Variants in ACAD11 observed in about 807,000 individuals in gnomAD.
ACAD11 encodes the protein acyl-Coenzyme A dehydrogenase family, member 11.
In ACAD11, 83 loss-of-function variants were observed where a neutral mutation model predicts 102.2. The observed-to-expected ratio is 0.81, with a 90% CI of 0.68 to 0.97. The LOEUF is 0.97. Ranked by LOEUF, ACAD11 falls within the 50% of genes least tolerant of loss-of-function variation. The pLI is 0.00. For synonymous variants in ACAD11, 324 were observed against 319.8 expected (o/e 1.01, Z -0.14); for missense variants, 901 against 951.7 (o/e 0.95, Z 0.70).
At chr3:132,594,800 T>C (rs1388488691) in intron 13 of ACAD11, among the ~76,000 whole-genome samples, 1 of 152,172 alleles carries the variant, frequency 6.6e-6, no homozygotes, top group African/African-American at 2.4e-5. Flanking sequence ...GTGTATCATA[T>C]AGAAAGATCA....
At chr3:132,585,924 T>G (rs1291036090) in intron 13 of ACAD11, among the ~76,000 whole-genome samples, 1 of 152,102 alleles carries the variant, frequency 6.6e-6, no homozygotes. Context: ...ATTGTGGAAG[T>G]CAGTGTGGTG....
intron 5 of ACAD11, among the ~76,000 whole-genome samples, chr3:132,635,620 T>C (rs1483549593): frequency 6.6e-6 from 1 of 152,164 alleles, no homozygotes; most frequent in Non-Finnish European, 1.5e-5. Context: ...ATACACCTCT[T>C]ACACAGGGTT....
Position 132,619,535 on chromosome 3 carries a change from T to A in ACAD11, c.1208A>T (p.Glu403Val), listed in dbSNP as rs1939533351. 2 of 1,583,784 alleles carry A rather than the reference T, an allele frequency of 1.3e-6. No homozygotes were observed. The highest frequency in any genetic ancestry group is 1.4e-5 in the African/African-American group (1 of 73,672). Reference sequence around the variant, plus strand: ...TGAATTTTCATTTTGAACATAGAACTCAGTTACCTCCTTAAAGTAATAAAA... The same window carrying A: ...TGAATTTTCATTTTGAACATAGAACACAGTTACCTCCTTAAAGTAATAAAA... The part of the protein sequence containing the change: ...HILPAEKEVT[E>V]FYVQNENSVD... The change falls in exon 10 of 20, where the codon GAG becomes GTG. Residue 403 changes from glutamate to valine, a missense_variant. Coordinates refer to ENST00000264990, the MANE Select transcript of ACAD11 (RefSeq NM_032169.5).
chr3:132,559,464 A>G (rs1017914578), intron 19 of ACAD11, among the ~76,000 whole-genome samples: 8 of 152,090 alleles, frequency 5.3e-5, no homozygotes, highest in South Asian at 2.1e-4. Flanking sequence ...TGACACTGTA[A>G]TTATGTGTGG....
chr3:132,565,596 A>T (rs1429462677), intron 17 of ACAD11, among the ~76,000 whole-genome samples: 5 of 152,218 alleles, frequency 3.3e-5, no homozygotes, highest in Non-Finnish European at 7.3e-5. Flanking sequence ...ATTAATTTTT[A>T]AAAAATAAAG....
At chr3:132,565,016 C>T (rs1005079691) in intron 17 of ACAD11, among the ~76,000 whole-genome samples, 6 of 152,022 alleles carry the variant, frequency 3.9e-5, no homozygotes, top group Non-Finnish European at 7.4e-5. Context: ...CATAAAGCAC[C>T]CCAACAAAAG....
intron 9 of ACAD11, among the ~76,000 whole-genome samples, chr3:132,626,289 T>C (rs1048778097): frequency 1.3e-5 from 2 of 152,076 alleles, no homozygotes; most frequent in African/African-American, 4.8e-5. Flanking sequence ...AGAGGGGTGG[T>C]AGTATCTGTG....
chr3:132,641,251 A>C (rs1317499113), intron 4 of ACAD11, among the ~76,000 whole-genome samples: 1 of 152,172 alleles, frequency 6.6e-6, no homozygotes, highest in Non-Finnish European at 1.5e-5. Context: ...ATTGAGAAAG[A>C]AAAAACTGTA....
At chr3:132,647,676 G>C (rs1940766508) in intron 1 of ACAD11, among the ~76,000 whole-genome samples, 1 of 152,152 alleles carries the variant, frequency 6.6e-6, no homozygotes, top group African/African-American at 2.4e-5. Context: ...AGGTGAGAGG[G>C]AATGAGATCA....
intron 6 of ACAD11, among the ~76,000 whole-genome samples, chr3:132,630,902 C>T (rs1940012803): frequency 6.6e-6 from 1 of 152,088 alleles, no homozygotes; most frequent in East Asian, 1.9e-4. Context: ...GAGACACCAT[C>T]TCTACAAAAA....
At chr3:132,595,940 G>T (rs1938285543) in intron 13 of ACAD11, among the ~76,000 whole-genome samples, 1 of 152,042 alleles carries the variant, frequency 6.6e-6, no homozygotes, top group Non-Finnish European at 1.5e-5. Context: ...ATACCCAAAG[G>T]AATATAAATT....
chr3:132,631,699 T>C (rs1476235159), intron 5 of ACAD11, among the ~76,000 whole-genome samples: 1 of 152,112 alleles, frequency 6.6e-6, no homozygotes, highest in African/African-American at 2.4e-5. Context: ...GTCCTTCTCA[T>C]TTTACTTTAC....
intron 11 of ACAD11, among the ~76,000 whole-genome samples, chr3:132,608,375 G>C (rs947078084): frequency 1.3e-5 from 2 of 152,160 alleles, no homozygotes; most frequent in Admixed American, 6.5e-5. Flanking sequence ...GTATTCAGGA[G>C]ACCCATCTCA....
At position 132,656,344 on chromosome 3, in the gene ACAD11, A is replaced by G. The variant is rs1383345355; in HGVS notation, c.149+3259T>C. ...AGAAAAGTCTCAGGAGTATGTATCT[A>G]TGAGTAGAACTGCTAGGTCATAGGT... is the stretch of plus-strand genomic sequence containing the variant. On this transcript the variant is annotated intron_variant, in intron 1 of 19. Coordinates refer to ENST00000264990, the MANE Select transcript of ACAD11 (RefSeq NM_032169.5). Among the ~76,000 whole-genome samples, 14 of 152,170 alleles carry G rather than the reference A, an allele frequency of 9.2e-5. No individual in the cohort carries two copies. The East Asian group carries it at 2.7e-3, about 29-fold the overall frequency.
intron 5 of ACAD11, among the ~76,000 whole-genome samples, chr3:132,632,013 G>A (rs533031150): frequency 1.3e-5 from 2 of 151,762 alleles, no homozygotes; most frequent in African/African-American, 4.8e-5. Context: ...CATGTAATGT[G>A]GAACCAATAA....
chr3:132,649,550 C>G (rs1940853617), intron 1 of ACAD11, among the ~76,000 whole-genome samples: 1 of 152,214 alleles, frequency 6.6e-6, no homozygotes. Flanking sequence ...TGCTGACCTT[C>G]TCCCCACTAT....
At chr3:132,613,887 G>A (rs1287747140) in intron 11 of ACAD11, among the ~76,000 whole-genome samples, 1 of 151,896 alleles carries the variant, frequency 6.6e-6, no homozygotes, top group Non-Finnish European at 1.5e-5. Flanking sequence ...CGAGACGAGT[G>A]AGACTCCATC....
In ACAD11 at chr3:132,558,685, G is replaced by T; in HGVS notation, c.*286C>A. On this transcript the variant is annotated 3_prime_UTR_variant, in exon 20 of 20. Transcript: ENST00000264990. ...TTGTTTCATTTTTAAATTTTTTGTA[G>T]CAATGGGGGTCTCGCTATGTTGCCC... 1 of 288,864 alleles carries T rather than the reference G, an allele frequency of 3.5e-6. No individual in the cohort carries two copies. 17.9% of individuals were successfully genotyped at this position (288,864 alleles called of 1,614,324 possible).
chr3:132,646,886 G>C (rs1940737129), intron 1 of ACAD11, among the ~76,000 whole-genome samples: 1 of 152,118 alleles, frequency 6.6e-6, no homozygotes, highest in South Asian at 2.1e-4. Flanking sequence ...AAATGTCCAG[G>C]ATAGGGAAAT....
Sources: allele counts gnomAD v4.1 joint callset (sites outside exome capture counted in the v4.1 genomes callset), GRCh38; gene constraint gnomAD v4.1.1; transcripts MANE v1.5; gene names NCBI Gene and HGNC (gene_info 2026-07-23, HGNC 2026-07-21).